Variants in PHTF2 observed in about 807,000 individuals in gnomAD.
PHTF2 encodes putative homeodomain transcription factor 2, also known as protein PHTF2.
PHTF2 carries 60 observed loss-of-function variants against 101.2 expected under a neutral mutation model. The observed-to-expected ratio is 0.59, with a 90% CI of 0.48 to 0.73. The LOEUF (loss-of-function observed/expected upper bound fraction) is 0.73, where lower values mean the gene tolerates loss of function less well. Among genes scored for constraint, PHTF2 ranks in the 30% least tolerant of loss-of-function variants. The pLI, the probability that PHTF2 is intolerant of heterozygous loss-of-function variation, is 0.00. For synonymous variants in PHTF2, 311 were observed against 307.3 expected, an observed-to-expected ratio of 1.01 and a Z score of -0.13; for missense variants, 747 against 908.7, an observed-to-expected ratio of 0.82 and a Z score of 2.29.
intron 3 of PHTF2, among the ~76,000 whole-genome samples, chr7:77,864,540 C>G (rs905608418): frequency 6.6e-6 from 1 of 152,222 alleles, no homozygotes; most frequent in Non-Finnish European, 1.5e-5. Context: ...CTAACACCAT[C>G]CCTCCAAATA....
At chr7:77,925,251 C>T (rs1803851497) in intron 11 of PHTF2, among the ~76,000 whole-genome samples, 1 of 151,986 alleles carries the variant, frequency 6.6e-6, no homozygotes, top group African/African-American at 2.4e-5. Flanking sequence ...TCCATATTCC[C>T]TTCAAATAAA....
chr7:77,940,624 A>G (rs1421843089), exon 15 of PHTF2: 2 of 1,607,102 alleles, frequency 1.2e-6, no homozygotes, highest in Middle Eastern at 1.6e-4. Context: ...AGTACAGAAT[A>G]TAAAAATGTG....
At chr7:77,890,904 C>CTT (rs11442975) in intron 3 of PHTF2, among the ~76,000 whole-genome samples, 1,106 of 92,884 alleles carry the variant, frequency 0.012, 35 homozygotes, top group African/African-American at 0.03. Flanking sequence ...CGCACCCGGC[C>CTT]TTTTTTTTTT....
Position 77,930,795 on chromosome 7 carries a change from G to A in PHTF2, c.1338+1468G>A, listed in dbSNP as rs955565731. 4.1e-4 allele frequency among the ~76,000 whole-genome samples: 63 copies of A among 152,130 alleles called. 1 individual carries two copies. The highest frequency in any genetic ancestry group is 4.1e-3 in the Admixed American group (63 of 15,278). ...ACACGGTGGAAATAAGGGAGCTCTG[G>A]TCTCTTTACCTCTGTCTGGTTTTGG... On this transcript the variant is annotated intron_variant, in intron 12 of 19. Coordinates refer to ENST00000416283, the Ensembl canonical transcript of PHTF2.
chr7:77,893,147 T>C (rs1005047595), intron 3 of PHTF2, among the ~76,000 whole-genome samples: 2 of 152,188 alleles, frequency 1.3e-5, no homozygotes, highest in Non-Finnish European at 2.9e-5. Flanking sequence ...GTTTGTTATA[T>C]AGGTAAACTC....
intron 5 of PHTF2, among the ~76,000 whole-genome samples, chr7:77,900,415 C>T (rs573859913): frequency 6.6e-6 from 1 of 152,290 alleles, no homozygotes; most frequent in East Asian, 1.9e-4. Flanking sequence ...TCCCTCTACA[C>T]CTAAAGCTGT....
At chr7:77,808,819 T>C (rs961749152) in intron 1 of PHTF2, among the ~76,000 whole-genome samples, 2 of 152,174 alleles carry the variant, frequency 1.3e-5, no homozygotes, top group African/African-American at 4.8e-5. Context: ...TGGACAATCA[T>C]AGGGCTCACT....
chr7:77,803,647 C>CAAAAA (rs1792738896), intron 1 of PHTF2, among the ~76,000 whole-genome samples: 1 of 151,672 alleles, frequency 6.6e-6, no homozygotes, highest in African/African-American at 2.4e-5. Flanking sequence ...AAGACTAGCT[C>CAAAAA]AAAAAGTGGT....
rs911607237 is a variant in PHTF2, at chr7:77,836,331, G to A, written c.-35-3890G>A. Among the ~76,000 whole-genome samples, 3 of 152,092 alleles carry A rather than the reference G, an allele frequency of 2.0e-5. No individual in the cohort carries two copies. The South Asian group carries it at 6.2e-4, about 32-fold the overall frequency. ...GAGGCAGGAGTATCAGGCACACTTG[G>A]TATAACTTTTATTGAAAAAATCCAC... On this transcript the variant is annotated intron_variant, in intron 1 of 19. Coordinates refer to ENST00000416283, the Ensembl canonical transcript of PHTF2.
At chr7:77,895,069 C>T in intron 5 of PHTF2, 1 of 426,260 alleles carries the variant, frequency 2.3e-6, no homozygotes, top group Non-Finnish European at 4.7e-6. Flanking sequence ...TGTACACAGG[C>T]AGCACTAAGG....
intron 11 of PHTF2, among the ~76,000 whole-genome samples, chr7:77,928,756 A>G (rs750854160): frequency 1.3e-5 from 2 of 152,230 alleles, no homozygotes; most frequent in Non-Finnish European, 2.9e-5. Context: ...AATAACATCA[A>G]TTAAAGTCAG....
At chr7:77,803,176 G>A (rs1792694739) in intron 1 of PHTF2, among the ~76,000 whole-genome samples, 2 of 152,128 alleles carry the variant, frequency 1.3e-5, no homozygotes, top group Admixed American at 1.3e-4. Flanking sequence ...ACTGGGGCAG[G>A]AAATAGCTGT....
chr7:77,924,302 T>C (rs1238185931), intron 11 of PHTF2: 1 of 222,808 alleles, frequency 4.5e-6, no homozygotes, highest in Non-Finnish European at 7.5e-6. Context: ...AAAAAATCAT[T>C]TGGACCCACT....
intron 1 of PHTF2, among the ~76,000 whole-genome samples, chr7:77,811,618 A>G (rs1382492706): frequency 2.0e-5 from 3 of 152,208 alleles, no homozygotes; most frequent in Non-Finnish European, 1.5e-5. Flanking sequence ...GTATGGACTC[A>G]TGAATTCTTG....
At chr7:77,804,740 A>G (rs187891601) in intron 1 of PHTF2, among the ~76,000 whole-genome samples, 3 of 152,320 alleles carry the variant, frequency 2.0e-5, no homozygotes, top group Admixed American at 2.0e-4. Context: ...ATCTACTAAT[A>G]TCTATCTTTC....
chr7:77,943,943 A>G (rs1805839581), intron 16 of PHTF2, among the ~76,000 whole-genome samples: 2 of 152,124 alleles, frequency 1.3e-5, no homozygotes, highest in Non-Finnish European at 2.9e-5. Context: ...GCTTGAACCC[A>G]GAAGGCGGAG....
Position 77,923,643 on chromosome 7 carries a change from G to T in PHTF2, c.1119+865G>T, listed in dbSNP as rs1223089602. The T allele has an allele frequency of 4.1e-6, 4 of 984,754 alleles. No homozygotes were observed. The Admixed American group carries it at 2.5e-4, about 61-fold the overall frequency. 61.0% of individuals were successfully genotyped at this position (984,754 alleles called of 1,614,324 possible). On this transcript the variant is annotated intron_variant, in intron 11 of 19. Transcript: ENST00000416283. ...CTAATGCCAGTGTGTCTGCTCTATTGCCTCTTCACCCATGTCATTTGATGT... is the reference window on the plus strand; with the variant it reads ...CTAATGCCAGTGTGTCTGCTCTATTTCCTCTTCACCCATGTCATTTGATGT...
intron 1 of PHTF2, among the ~76,000 whole-genome samples, chr7:77,816,063 T>C (rs1370284915): frequency 6.6e-6 from 1 of 152,148 alleles, no homozygotes; most frequent in East Asian, 1.9e-4. Context: ...ATTCTTTTTA[T>C]ATATTGGAAT....
chr7:77,799,641 A>G (rs1792375124), intron 1 of PHTF2, among the ~76,000 whole-genome samples: 1 of 152,214 alleles, frequency 6.6e-6, no homozygotes, highest in Non-Finnish European at 1.5e-5. Context: ...CCCAGTGTTG[A>G]CAGCCAGCAT....
Sources: gnomAD v4.1 joint callset for allele counts (sites outside exome capture counted in the v4.1 genomes callset) on GRCh38, gnomAD v4.1.1 for gene constraint, MANE v1.5 for transcripts, NCBI Gene and HGNC (gene_info 2026-07-23, HGNC 2026-07-21) for gene names.